Variants in SV2C observed in about 807,000 individuals in gnomAD.
The protein encoded by SV2C is synaptic vesicle glycoprotein 2C.
A neutral mutation model predicts 79.7 loss-of-function variants in SV2C; 49 were observed. The ratio of observed to expected loss-of-function variants is 0.61; its 90% confidence interval spans 0.49 to 0.78. The LOEUF (loss-of-function observed/expected upper bound fraction) is 0.78, where lower values mean the gene tolerates loss of function less well. Ranked by LOEUF, SV2C falls within the 30% of genes least tolerant of loss-of-function variation. The pLI is 0.00. For synonymous variants in SV2C, 334 were observed against 333.2 expected (o/e 1.00, Z -0.03); for missense variants, 833 against 912.9 (o/e 0.91, Z 1.13).
rs781055478 is a variant in SV2C at position 76,285,763 on chromosome 5, T to C, written c.1048-18T>C. The C allele has an allele frequency of 5.0e-6, 8 of 1,610,624 alleles. No individual in the cohort carries two copies. Among genetic ancestry groups the C allele is most frequent in the African/African-American group, 1.3e-5 (1 of 74,812 alleles). Reference sequence around the variant, plus strand: ...GTGTGTCACTCCTAGCGCTTCACTGTCCACTCTCATTTCTTAGGTTGGAAA... The same window carrying C: ...GTGTGTCACTCCTAGCGCTTCACTGCCCACTCTCATTTCTTAGGTTGGAAA... On this transcript the variant is annotated intron_variant, in intron 5 of 12. Transcript: ENST00000502798.
intron 4 of SV2C, among the ~76,000 whole-genome samples, chr5:76,223,404 G>A (rs530156584): frequency 1.6e-5 from 2 of 124,698 alleles, no homozygotes; most frequent in Admixed American, 8.8e-5. Context: ...CTCCAGCCTG[G>A]GTGACAGAGC....
chr5:76,337,549 G>A (rs1749352446), downstream of SV2C, among the ~76,000 whole-genome samples: 1 of 152,132 alleles, frequency 6.6e-6, no homozygotes, highest in Admixed American at 6.6e-5. Context: ...ACTGTGTATA[G>A]AAGTTTGCTG....
At chr5:76,289,919 C>T (rs987875040) in intron 6 of SV2C, among the ~76,000 whole-genome samples, 17 of 152,106 alleles carry the variant, frequency 1.1e-4, no homozygotes, top group African/African-American at 3.6e-4. Flanking sequence ...CATTAGAGTA[C>T]TTTTTTTCGT....
chr5:76,303,631 A>C (rs1300996083), intron 12 of SV2C, among the ~76,000 whole-genome samples: 2 of 152,102 alleles, frequency 1.3e-5, no homozygotes, highest in Non-Finnish European at 2.9e-5. Flanking sequence ...CTAGGACAAA[A>C]ATCTGGCTTA....
chr5:75,923,886 G>A, the SV2C span, among the ~76,000 whole-genome samples: 1 of 152,114 alleles, frequency 6.6e-6, no homozygotes, highest in Non-Finnish European at 1.5e-5. Context: ...TCTACCATTC[G>A]AACCAGCAAT....
chr5:76,036,823 AATATCCTGCAGAG>A, the SV2C span, among the ~76,000 whole-genome samples: 1 of 152,166 alleles, frequency 6.6e-6, no homozygotes, highest in African/African-American at 2.4e-5. Flanking sequence ...TCTCCTGCAT[AATATCCTGCAGAG>A]TGTTTTCCAA....
intron 4 of SV2C, among the ~76,000 whole-genome samples, chr5:76,235,400 C>T (rs1490538359): frequency 4.6e-5 from 7 of 152,142 alleles, no homozygotes; most frequent in Admixed American, 3.9e-4. Context: ...GGAAAGCCAG[C>T]AAAGCTTTCT....
chr5:76,092,271 C>T (rs1011647231), intron 1 of SV2C, among the ~76,000 whole-genome samples: 1 of 152,092 alleles, frequency 6.6e-6, no homozygotes, highest in African/African-American at 2.4e-5. Flanking sequence ...ATTAAGGCAC[C>T]AGTAGAGGTG....
Position 76,118,096 on chromosome 5 carries a change from C to G in SV2C, c.-101-13554C>G, listed in dbSNP as rs77016674. 5.2e-3 allele frequency among the ~76,000 whole-genome samples: 786 copies of G among 152,310 alleles called. 8 individuals carry two copies. Among genetic ancestry groups the G allele is most frequent in the African/African-American group, 0.018 (749 of 41,580 alleles). On this transcript the variant is annotated intron_variant, in intron 1 of 12. Coordinates refer to ENST00000502798, the MANE Select transcript of SV2C (RefSeq NM_014979.4). ...GACTTAAAATATAGAAATTTATTCT[C>G]TGTCAGTTCTGGAGGCCAGAGTCCC...
At chr5:76,089,170 C>T (rs1159190248) in intron 1 of SV2C, among the ~76,000 whole-genome samples, 1 of 152,158 alleles carries the variant, frequency 6.6e-6, no homozygotes, top group Non-Finnish European at 1.5e-5. Flanking sequence ...TCCTAATGCT[C>T]TCCCTTCCCT....
chr5:76,126,281 A>G (rs10434645), intron 1 of SV2C, among the ~76,000 whole-genome samples: 30,613 of 152,104 alleles, frequency 0.2, 3,365 homozygotes, highest in East Asian at 0.45. Context: ...TGATTTTTGA[A>G]CCGTGATTTT....
intron 1 of SV2C, among the ~76,000 whole-genome samples, chr5:76,092,622 A>G (rs1747415969): frequency 6.6e-6 from 1 of 152,110 alleles, no homozygotes; most frequent in Non-Finnish European, 1.5e-5. Context: ...AGCTGTCAAA[A>G]GCCTGTATTA....
intron 2 of SV2C, among the ~76,000 whole-genome samples, chr5:76,146,035 A>G (rs563059684): frequency 3.4e-4 from 52 of 152,022 alleles, no homozygotes; most frequent in Non-Finnish European, 5.6e-4. Context: ...TGAAAACACA[A>G]TGTGTTCCAC....
At chr5:76,232,608 T>C (rs1387404543) in intron 4 of SV2C, among the ~76,000 whole-genome samples, 1 of 149,916 alleles carries the variant, frequency 6.7e-6, no homozygotes, top group Non-Finnish European at 1.5e-5. Flanking sequence ...CTTGAATTGG[T>C]TTTTGTATAA....
chr5:75,871,293 G>C, the SV2C span, among the ~76,000 whole-genome samples: 33 of 152,098 alleles, frequency 2.2e-4, no homozygotes, highest in African/African-American at 6.5e-4. Context: ...CAACAGTTAG[G>C]CAATGAAAGG....
At chr5:75,984,079 G>T in the SV2C span, among the ~76,000 whole-genome samples, 1 of 152,086 alleles carries the variant, frequency 6.6e-6, no homozygotes, top group African/African-American at 2.4e-5. Flanking sequence ...AAGATCAGAA[G>T]AGTGTCTGAT....
rs113918552 is a variant in SV2C, at chr5:76,174,144, C to T, written c.581-20775C>T. On this transcript the variant is annotated intron_variant, in intron 2 of 12. Coordinates refer to ENST00000502798, the MANE Select transcript of SV2C (RefSeq NM_014979.4). ...TGTACAGTCAAAGCAGACTTTCCAA[C>T]GCCTCGTGAGCCAAGAACGACTAGC... 502 of 1,611,928 alleles carry T rather than the reference C, an allele frequency of 3.1e-4. 2 individuals carry two copies. The African/African-American group carries it at 5.8e-3, about 19-fold the overall frequency.
the SV2C span, among the ~76,000 whole-genome samples, chr5:75,998,408 A>T: frequency 6.6e-6 from 1 of 152,146 alleles, no homozygotes; most frequent in Admixed American, 6.6e-5. Flanking sequence ...TCATGCCATC[A>T]CTAGTAATGG....
chr5:76,185,695 A>T (rs1743893361), intron 2 of SV2C, among the ~76,000 whole-genome samples: 1 of 152,236 alleles, frequency 6.6e-6, no homozygotes, highest in South Asian at 2.1e-4. Flanking sequence ...AAGGCTGCAT[A>T]GCAGCCGGTG....
Sources: gnomAD v4.1 joint callset for allele counts (sites outside exome capture counted in the v4.1 genomes callset) on GRCh38, gnomAD v4.1.1 for gene constraint, MANE v1.5 for transcripts, NCBI Gene and HGNC (gene_info 2026-07-23, HGNC 2026-07-21) for gene names.